Variants in GOLGA8T observed in about 807,000 individuals in gnomAD.
GOLGA8T encodes the protein golgin A8 family member T.
A neutral mutation model predicts 52.0 loss-of-function variants in GOLGA8T; 17 were observed. That is an observed-to-expected ratio of 0.33 (90% CI 0.22 to 0.49). The LOEUF (loss-of-function observed/expected upper bound fraction) is 0.49, where lower values mean the gene tolerates loss of function less well. GOLGA8T is among the 20% of genes least tolerant of loss of function. The pLI is 0.99. For missense variants in GOLGA8T, 154 were observed against 462.1 expected, an observed-to-expected ratio of 0.33 and a Z score of 6.11; for synonymous variants, 67 against 169.5, an observed-to-expected ratio of 0.40 and a Z score of 4.70.
Position 30,144,155 on chromosome 15 carries a change from C to G in GOLGA8T, c.1319C>G (p.Pro440Arg). Residue 440 changes from proline (P) to arginine (R), a missense_variant, in exon 15 of 19, where the codon CCT becomes CGT. Pro to Arg is a moderately radical substitution (Grantham distance 103). Coordinates refer to ENST00000569052, the MANE Select transcript of GOLGA8T (RefSeq NM_001355469.2). ...CTGGACAGTGAGGGGGAGGAGGCAC[C>G]TCAGCCCATGCCGAGTGTCCCAGAG... ...EHLDSEGEEA[P>R]QPMPSVPEDL... The G allele has an allele frequency of 2.6e-6, 1 of 388,342 alleles. No homozygotes were observed. The highest frequency in any genetic ancestry group is 1.0e-4 in the African/African-American group (1 of 9,574). The allele number at this position is 388,342 out of a possible 1,614,324, so 24.1% of individuals were successfully genotyped here.
intron 13 of GOLGA8T, among the ~76,000 whole-genome samples, 176 bp downstream of exon 13, chr15:30,142,558 G>T (rs1338703724): frequency 6.9e-6 from 1 of 145,514 alleles, no homozygotes; most frequent in East Asian, 2.0e-4. Flanking sequence ...AAGGTGGGTA[G>T]CCCTGGGATC....
chr15:30,142,462 G>A (rs766796618), intron 13 of GOLGA8T, 80 bp downstream of exon 13: 1 of 1,570,084 alleles, frequency 6.4e-7, no homozygotes, highest in Admixed American at 1.8e-5. Flanking sequence ...GAGGTACGAG[G>A]CCAGAGGCAG....
At chr15:30,142,559 C>G (rs2057760209) in intron 13 of GOLGA8T, among the ~76,000 whole-genome samples, 177 bp downstream of exon 13, 1 of 145,374 alleles carries the variant, frequency 6.9e-6, no homozygotes, top group Non-Finnish European at 1.5e-5. Context: ...AGGTGGGTAG[C>G]CCTGGGATCC....
In GOLGA8T at chr15:30,145,608, T is replaced by G. The variant is rs2057819191; in HGVS notation, c.*41T>G. The G allele has an allele frequency of 4.8e-6, 5 of 1,044,380 alleles. No homozygotes were observed. Among genetic ancestry groups the G allele is most frequent in the Non-Finnish European group, 6.7e-6 (5 of 745,360 alleles). 64.7% of individuals were successfully genotyped at this position (1,044,380 alleles called of 1,614,324 possible). A position where few individuals can be genotyped will look rare whatever the true frequency, so the allele number is the denominator to read the frequency against. On this transcript the variant is annotated 3_prime_UTR_variant, in exon 19 of 19. Coordinates refer to ENST00000569052, the MANE Select transcript of GOLGA8T (RefSeq NM_001355469.2). ...AAGAGCTGCTCAAGAAATTTTTAAA[T>G]AAGAAACCAAGTTATGGGGTTAATC...
rs1387637111 is a variant in GOLGA8T at position 30,148,537 on chromosome 15, A to C, written c.*2970A>C. On this transcript the variant is annotated 3_prime_UTR_variant, in exon 19 of 19. Transcript: ENST00000569052. ...TTTAAAATATGAATACTGTAGTATA[A>C]AAGAAAGAAATGGTGGGAACGAAAA... 7.5e-6 allele frequency among the ~76,000 whole-genome samples: 1 copy of C among 133,308 alleles called. No individual in the cohort carries two copies. The highest frequency in any genetic ancestry group is 1.6e-5 in the Non-Finnish European group (1 of 64,468). 87.5% of individuals were successfully genotyped at this position (133,308 alleles called of 152,430 possible).
At chr15:30,137,302 T>G (rs1156545796) in intron 2 of GOLGA8T, among the ~76,000 whole-genome samples, 1 of 139,146 alleles carries the variant, frequency 7.2e-6, no homozygotes, top group Non-Finnish European at 1.5e-5. Flanking sequence ...GGTGTGAACC[T>G]GGGAGGTGGA....
chr15:30,145,167 C>G lies in GOLGA8T; in HGVS notation c.1580C>G (p.Ala527Gly). ...QGGDEGEAAG[A>G]AADGIAAYSN... ...CTCCCTCCAGGTGAAGCTGCTGGAGCTGCAGCAGATGGTATTGCGGCTTAC... is the reference window on the plus strand; with the variant it reads ...CTCCCTCCAGGTGAAGCTGCTGGAGGTGCAGCAGATGGTATTGCGGCTTAC... Residue 527 changes from alanine to glycine, a missense_variant, in exon 18 of 19, where the codon GCT (alanine) becomes GGT (glycine). Transcript: ENST00000569052. 7.2e-7 allele frequency: 1 copy of G among 1,387,552 alleles called. No homozygotes were observed. Among genetic ancestry groups the G allele is most frequent in the South Asian group, 1.3e-5 (1 of 75,644 alleles). The allele number at this position is 1,387,552 out of a possible 1,614,324, so 86.0% of individuals were successfully genotyped here. A position where few individuals can be genotyped will look rare whatever the true frequency, so the allele number is the denominator to read the frequency against.
rs1241807794 is a variant in GOLGA8T, at chr15:30,146,963, A to G, written c.*1396A>G. Reference sequence around the variant, plus strand: ...TAAAATGTGTACAAACTGCAGTGCAATCTACTGTTCGTGAATGTCAATGTA... The same window carrying G: ...TAAAATGTGTACAAACTGCAGTGCAGTCTACTGTTCGTGAATGTCAATGTA... On this transcript the variant is annotated 3_prime_UTR_variant, in exon 19 of 19. Coordinates refer to ENST00000569052, the MANE Select transcript of GOLGA8T (RefSeq NM_001355469.2). 8.1e-6 allele frequency among the ~76,000 whole-genome samples: 1 copy of G among 122,946 alleles called. No homozygotes were observed. The highest frequency in any genetic ancestry group is 1.5e-5 in the Non-Finnish European group (1 of 65,110). The allele number at this position is 122,946 out of a possible 152,430, so 80.7% of individuals were successfully genotyped here. A position where few individuals can be genotyped will look rare whatever the true frequency, so the allele number is the denominator to read the frequency against.
chr15:30,142,742 G>A (rs1433367278), intron 13 of GOLGA8T, among the ~76,000 whole-genome samples: 1 of 119,698 alleles, frequency 8.4e-6, no homozygotes, highest in Non-Finnish European at 1.6e-5. Context: ...TTTGGGATCA[G>A]CCTGGCCAAT....
In GOLGA8T at chr15:30,143,600, C is replaced by G; in HGVS notation, c.1201-6C>G. ...CACCCCTTCTCACTCTGTCCTGGCC[C>G]CTCAGGAGCACCTGGAAGCTGCCAG... On this transcript the variant is annotated splice_polypyrimidine_tract_variant and splice_region_variant and intron_variant, in intron 13 of 18. Transcript: ENST00000569052. 2 of 1,586,318 alleles carry G rather than the reference C, an allele frequency of 1.3e-6. No individual in the cohort carries two copies. The highest frequency in any genetic ancestry group is 1.7e-6 in the Non-Finnish European group (2 of 1,177,050).
Position 30,142,356 on chromosome 15 carries a change from A to G in GOLGA8T, c.1174A>G (p.Lys392Glu), listed in dbSNP as rs2057755565. Residue 392 changes from lysine to glutamate, a missense_variant, in exon 13 of 19, where the codon AAG becomes GAG. Lys to Glu is a moderately conservative substitution (Grantham distance 56). Around this residue, in one of 6 missense-constraint regions of GOLGA8T, gnomAD observed 54 missense variants for 51.5 expected, o/e 1.05. Coordinates refer to ENST00000569052, the MANE Select transcript of GOLGA8T (RefSeq NM_001355469.2). ...CGCACTGCAGTTGGAGCAGCAAGTAAAGGAGCTACAGGAGAAGCTTGGCGA... is the reference window on the plus strand; with the variant it reads ...CGCACTGCAGTTGGAGCAGCAAGTAGAGGAGCTACAGGAGAAGCTTGGCGA... ...KNALQLEQQV[K>E]ELQEKLGEEH... is the part of the protein sequence containing the mutation. 1.3e-6 allele frequency: 2 copies of G among 1,550,934 alleles called. No homozygotes were observed. Among genetic ancestry groups the G allele is most frequent in the African/African-American group, 3.1e-5 (2 of 64,204 alleles).
rs2140645335 is a variant in GOLGA8T, at chr15:30,140,739, C to T, written c.592-103C>T. ...GGGCTTGGAAATGCCTTGATCTTTA[C>T]TGACCGAGTTGTATATTGGGCCTAG... On this transcript the variant is annotated intron_variant, in intron 8 of 18. Transcript: ENST00000569052. 5 of 873,444 alleles carry T rather than the reference C, an allele frequency of 5.7e-6. No homozygotes were observed. In the Admixed American group the frequency reaches 8.7e-5, roughly 15 times the overall value. 54.1% of individuals were successfully genotyped at this position (873,444 alleles called of 1,614,324 possible). A position where few individuals can be genotyped will look rare whatever the true frequency, so the allele number is the denominator to read the frequency against.
At chr15:30,137,395 G>T (rs1274567939) in intron 2 of GOLGA8T, among the ~76,000 whole-genome samples, 2 of 114,224 alleles carry the variant, frequency 1.8e-5, no homozygotes, top group African/African-American at 7.3e-5. Flanking sequence ...AAAAAAAAAA[G>T]GAATTCTGGG....
intron 2 of GOLGA8T, among the ~76,000 whole-genome samples, chr15:30,137,281 G>A (rs1307482290): frequency 6.9e-6 from 1 of 144,080 alleles, no homozygotes; most frequent in African/African-American, 2.7e-5. Context: ...AGAAGGCTGA[G>A]GCAAGAGAAT....
rs201379557 is a variant in GOLGA8T at position 30,144,968 on chromosome 15, T to C, written c.1476T>C (p.His492=). The change falls in exon 17 of 19, where the codon CAT becomes CAC. Residue 492 remains histidine, a synonymous_variant. Transcript: ENST00000569052. The part of the protein sequence containing the change: ...HWRDRRHQKT[H]HLLSEPGGCA... ...CCCTGTCCTCCCGCAGGAAAACCCA[T>C]CACCTTTTATCAGAACCAGGGGGCT... 8.5e-5 allele frequency: 115 copies of C among 1,348,798 alleles called. 5 individuals are homozygous for C. In the Middle Eastern group the frequency reaches 9.9e-4, roughly 12 times the overall value. The allele number at this position is 1,348,798 out of a possible 1,614,324, so 83.6% of individuals were successfully genotyped here. A position where few individuals can be genotyped will look rare whatever the true frequency, so the allele number is the denominator to read the frequency against.
Position 30,140,701 on chromosome 15 carries a change from A to C in GOLGA8T, c.592-141A>C, listed in dbSNP as rs952693196. On this transcript the variant is annotated intron_variant, in intron 8 of 18. Coordinates refer to ENST00000569052, the MANE Select transcript of GOLGA8T (RefSeq NM_001355469.2). ...GTTCCAACTTTACTGAGTTCTTTTA[A>C]AAACCAGACCACGGGCTTGGAAATG... 7.5e-6 allele frequency: 6 copies of C among 796,988 alleles called. 2 individuals carry two copies. In the African/African-American group the frequency reaches 1.2e-4, roughly 16 times the overall value. 49.4% of individuals were successfully genotyped at this position (796,988 alleles called of 1,614,324 possible).
Position 30,148,678 on chromosome 15 carries a change from A to C in GOLGA8T, c.*3111A>C, listed in dbSNP as rs1475863794. On this transcript the variant is annotated 3_prime_UTR_variant, in exon 19 of 19. Transcript: ENST00000569052. ...GAATGTGTCATGGAAATACTGAAAG[A>C]TTTTTCCCTAGAGTGGCCTTATTGA... 4.8e-5 allele frequency among the ~76,000 whole-genome samples: 7 copies of C among 146,204 alleles called. No individual in the cohort carries two copies. Among genetic ancestry groups the C allele is most frequent in the Non-Finnish European group, 1.0e-4 (7 of 67,168 alleles).
intron 8 of GOLGA8T, among the ~76,000 whole-genome samples, 155 bp from the exon 9 acceptor site, chr15:30,140,687 A>G (rs548059854): frequency 0.044 from 6,338 of 144,790 alleles, 15 homozygotes; most frequent in Non-Finnish European, 0.059. Flanking sequence ...TTCCAACTTT[A>G]CTGAGTTCTT....
In GOLGA8T at chr15:30,148,482, A is replaced by G. The variant is rs1173384755; in HGVS notation, c.*2915A>G. ...ATAACTATTAAAAAATGTAACTGCT[A>G]TCTTAATGTTCTGAAATAATTTAAA... On this transcript the variant is annotated 3_prime_UTR_variant, in exon 19 of 19. Coordinates refer to ENST00000569052, the MANE Select transcript of GOLGA8T (RefSeq NM_001355469.2). Among the ~76,000 whole-genome samples the G allele has an allele frequency of 1.6e-5, 2 of 128,064 alleles. No homozygotes were observed. The highest frequency in any genetic ancestry group is 3.7e-5 in the African/African-American group (1 of 27,206). The allele number at this position is 128,064 out of a possible 152,430, so 84.0% of individuals were successfully genotyped here.
Sources: allele counts gnomAD v4.1 joint callset (sites outside exome capture counted in the v4.1 genomes callset), GRCh38; gene constraint gnomAD v4.1.1; regional missense constraint gnomAD v4.1.1; transcripts MANE v1.5; gene names NCBI Gene and HGNC (gene_info 2026-07-23, HGNC 2026-07-21).